The following CAMTA1 variants were observed in gnomAD, a reference collection of about 807,000 sequenced individuals.
The protein encoded by CAMTA1 is calmodulin binding transcription activator 1, also known as calmodulin-binding transcription activator 1.
In CAMTA1, 27 loss-of-function variants were observed where a neutral mutation model predicts 170.9. That is an observed-to-expected ratio of 0.16 (90% CI 0.12 to 0.22). The LOEUF (loss-of-function observed/expected upper bound fraction) is 0.22, where lower values mean the gene tolerates loss of function less well. Among genes scored for constraint, CAMTA1 ranks in the 10% least tolerant of loss-of-function variants. The pLI, the probability that CAMTA1 is intolerant of heterozygous loss-of-function variation, is 1.00. For synonymous variants in CAMTA1, 833 were observed against 891.5 expected, an observed-to-expected ratio of 0.93 and a Z score of 1.17; for missense variants, 1,619 against 2,217.2, an observed-to-expected ratio of 0.73 and a Z score of 5.42.
intron 3 of CAMTA1, among the ~76,000 whole-genome samples, chr1:6,976,725 T>G (rs1693492638): frequency 6.6e-6 from 1 of 152,144 alleles, no homozygotes; most frequent in South Asian, 2.1e-4. Context: ...AAGAGAATAT[T>G]CCAGACATGT....
chr1:7,547,838 A>C lies in CAMTA1; in HGVS notation c.510+79937A>C, dbSNP rs74055122. On this transcript the variant is annotated intron_variant, in intron 6 of 22. Coordinates refer to ENST00000303635, the MANE Select transcript of CAMTA1 (RefSeq NM_015215.4). The surrounding 1 kb of genome is among the most constrained non-coding windows in gnomAD (Gnocchi z 5.7). Reference sequence around the variant, plus strand: ...CTGCCACCCCATGTGGGCCCCCTCCAAACCCAGACTCTGACACCCCTTGCA... The same window carrying C: ...CTGCCACCCCATGTGGGCCCCCTCCCAACCCAGACTCTGACACCCCTTGCA... 0.018 allele frequency among the ~76,000 whole-genome samples: 2,700 copies of C among 151,970 alleles called. 77 individuals are homozygous for C. Among genetic ancestry groups the C allele is most frequent in the African/African-American group, 0.061 (2,530 of 41,410 alleles).
chr1:6,940,690 G>C (rs911823211), intron 3 of CAMTA1, among the ~76,000 whole-genome samples: 6 of 152,040 alleles, frequency 3.9e-5, no homozygotes, highest in African/African-American at 1.2e-4. Context: ...TGACACTTAA[G>C]GACTCTAGGG....
Position 7,333,018 on chromosome 1 carries a change from G to A in CAMTA1, c.438+83392G>A, listed in dbSNP as rs1315391270. On this transcript the variant is annotated intron_variant, in intron 5 of 22. Transcript: ENST00000303635. The surrounding 1 kb of genome is among the most constrained non-coding windows in gnomAD (Gnocchi z 4.4). Reference sequence around the variant, plus strand: ...TGGAAGAAGTTGGCTTCCATGAGAGGGGGCAAGTGTGAAGCCCTTTATGGT... The same window carrying A: ...TGGAAGAAGTTGGCTTCCATGAGAGAGGGCAAGTGTGAAGCCCTTTATGGT... Among the ~76,000 whole-genome samples the A allele has an allele frequency of 6.6e-6, 1 of 152,136 alleles. No homozygotes were observed. The highest frequency in any genetic ancestry group is 6.5e-5 in the Admixed American group (1 of 15,272).
chr1:7,761,651 T>G (rs1369821396), intron 22 of CAMTA1, among the ~76,000 whole-genome samples: 1 of 152,170 alleles, frequency 6.6e-6, no homozygotes, highest in African/African-American at 2.4e-5. Flanking sequence ...AAAATTCTTG[T>G]CTATATTTAC....
chr1:7,766,544 C>T lies in CAMTA1; in HGVS notation c.*53C>T. 6.4e-7 allele frequency: 1 copy of T among 1,558,152 alleles called. No individual in the cohort carries two copies. Among genetic ancestry groups the T allele is most frequent in the Non-Finnish European group, 8.9e-7 (1 of 1,129,152 alleles). On this transcript the variant is annotated 3_prime_UTR_variant, in exon 23 of 23. Coordinates refer to ENST00000303635, the MANE Select transcript of CAMTA1 (RefSeq NM_015215.4). ...GTGACATTGCTTTTCAGACTGTTTT[C>T]ATTTCTGTTTTTAGCAGAGACATGC...
intron 6 of CAMTA1, among the ~76,000 whole-genome samples, chr1:7,510,177 G>A (rs1204608746): frequency 1.5e-5 from 2 of 137,432 alleles, no homozygotes; most frequent in Admixed American, 7.5e-5. Flanking sequence ...TCATTAAAGG[G>A]CAAGCTACCA....
chr1:6,842,236 A>G (rs1435760457), intron 3 of CAMTA1, among the ~76,000 whole-genome samples: 2 of 152,226 alleles, frequency 1.3e-5, no homozygotes, highest in African/African-American at 4.8e-5. Context: ...TCCTGGACCC[A>G]GTGGCTCTCA....
chr1:7,427,819 GC>G (rs2091942507), intron 5 of CAMTA1, among the ~76,000 whole-genome samples: 1 of 152,162 alleles, frequency 6.6e-6, no homozygotes, highest in Admixed American at 6.6e-5. Flanking sequence ...TGAGCACTCA[GC>G]CCCTCAGACA....
At chr1:6,829,907 A>C (rs534612505) in intron 3 of CAMTA1, among the ~76,000 whole-genome samples, 60 of 152,136 alleles carry the variant, frequency 3.9e-4, no homozygotes, top group Non-Finnish European at 8.1e-4. Flanking sequence ...AGTTAATCTA[A>C]TTTTGCATTA....
At chr1:7,659,488 C>T (rs2095935761) in intron 7 of CAMTA1, among the ~76,000 whole-genome samples, 1 of 152,050 alleles carries the variant, frequency 6.6e-6, no homozygotes, top group East Asian at 1.9e-4. Context: ...GAACCGAGAT[C>T]GTGCCACTGC....
chr1:7,516,973 C>T (rs535460781), intron 6 of CAMTA1, among the ~76,000 whole-genome samples: 7 of 152,236 alleles, frequency 4.6e-5, no homozygotes, highest in Non-Finnish European at 1.0e-4. Flanking sequence ...TAATAAAAAT[C>T]GTGTGAAATC....
chr1:7,142,754 AAGCAAATGCTGG>A (rs1283816110), intron 4 of CAMTA1, among the ~76,000 whole-genome samples: 1 of 151,480 alleles, frequency 6.6e-6, no homozygotes, highest in Non-Finnish European at 1.5e-5. Context: ...CCCTCACCAG[AAGCAAATGCTGG>A]AGCCATGCTT....
chr1:7,308,384 G>C (rs989326900), intron 5 of CAMTA1, among the ~76,000 whole-genome samples: 1 of 150,512 alleles, frequency 6.6e-6, no homozygotes. Flanking sequence ...ATCTCCTTTT[G>C]GCCTGCTTTG....
At chr1:7,523,718 T>C (rs1446929575) in intron 6 of CAMTA1, among the ~76,000 whole-genome samples, 1 of 68,216 alleles carries the variant, frequency 1.5e-5, no homozygotes, top group African/African-American at 8.9e-5. Flanking sequence ...CTCTACTAAA[T>C]ATACAAAAAA....
chr1:7,703,478 G>C (rs984189635), intron 11 of CAMTA1, among the ~76,000 whole-genome samples: 2 of 152,276 alleles, frequency 1.3e-5, no homozygotes, highest in East Asian at 3.9e-4. Context: ...GCATGGGCAG[G>C]ACCCAGCTTG....
rs952998389 is a variant in CAMTA1 at position 7,455,250 on chromosome 1, G to C, written c.439-12580G>C. Among the ~76,000 whole-genome samples, 1 of 152,200 alleles carries C rather than the reference G, an allele frequency of 6.6e-6. No homozygotes were observed. On this transcript the variant is annotated intron_variant, in intron 5 of 22. Coordinates refer to ENST00000303635, the MANE Select transcript of CAMTA1 (RefSeq NM_015215.4). This position sits in a 1 kb window ranked among gnomAD's most constrained non-coding sequence, Gnocchi z 5.0. ...GGCATGGTTCTGCGTGTGTGTTTCC[G>C]ACACTGGCTCCCAGGTGGAAGGCCT...
chr1:7,112,005 G>A (rs773026301), intron 4 of CAMTA1, among the ~76,000 whole-genome samples: 26 of 151,774 alleles, frequency 1.7e-4, no homozygotes, highest in Non-Finnish European at 3.1e-4. Flanking sequence ...AGTGGCCACC[G>A]TCACTATGGC....
At position 6,971,217 on chromosome 1, in the gene CAMTA1, A is replaced by G. The variant is rs1405664211; in HGVS notation, c.235-120087A>G. On this transcript the variant is annotated intron_variant, in intron 3 of 22. Transcript: ENST00000303635. This position sits in a 1 kb window ranked among gnomAD's most constrained non-coding sequence, Gnocchi z 4.6. ...GAGCACACGATGGGCCTCGCTCCTC[A>G]TGCTCCCCACTCCTGATGAGTAATT... 6.6e-6 allele frequency among the ~76,000 whole-genome samples: 1 copy of G among 152,118 alleles called. No individual in the cohort carries two copies. Among genetic ancestry groups the G allele is most frequent in the Non-Finnish European group, 1.5e-5 (1 of 68,014 alleles).
At chr1:6,981,770 G>C (rs1332526874) in intron 3 of CAMTA1, among the ~76,000 whole-genome samples, 1 of 151,306 alleles carries the variant, frequency 6.6e-6, no homozygotes, top group Non-Finnish European at 1.5e-5. Context: ...TTGCTCTGTT[G>C]CCAGGCTGGA....
Sources: gnomAD v4.1 joint callset for allele counts (sites outside exome capture counted in the v4.1 genomes callset) on GRCh38, gnomAD v4.1.1 for gene constraint, Gnocchi (gnomAD v3.1) non-coding constraint, MANE v1.5 for transcripts, NCBI Gene and HGNC (gene_info 2026-07-23, HGNC 2026-07-21) for gene names.